The following LRRC3B variants were observed in gnomAD, a reference collection of about 807,000 sequenced individuals.
LRRC3B encodes the protein leucine rich repeat containing 3B.
Under a neutral mutation model 12.8 loss-of-function variants are expected in LRRC3B, and 2 were observed. The observed-to-expected ratio is 0.16, with a 90% CI of 0.06 to 0.49. LRRC3B has a LOEUF of 0.49. LRRC3B is among the 20% of genes least tolerant of loss of function. LRRC3B has a pLI of 0.96. For synonymous variants in LRRC3B, 132 were observed against 122.0 expected (o/e 1.08, Z -0.54); for missense variants, 189 against 319.4 (o/e 0.59, Z 3.11).
intron 1 of LRRC3B, among the ~76,000 whole-genome samples, chr3:26,686,707 G>T (rs1293562553): frequency 1.3e-5 from 2 of 152,306 alleles, no homozygotes; most frequent in South Asian, 2.1e-4. Flanking sequence ...ACTCTGAGAT[G>T]GGATTTGGCA....
At chr3:26,626,627 G>C (rs74766792) in intron 1 of LRRC3B, among the ~76,000 whole-genome samples, 3,873 of 152,012 alleles carry the variant, frequency 0.025, 133 homozygotes, top group East Asian at 0.13. Flanking sequence ...TTAGGAAAAG[G>C]CTTTTTATTT....
At chr3:26,674,320 T>TTTAC (rs1699813456) in intron 1 of LRRC3B, among the ~76,000 whole-genome samples, 2 of 152,174 alleles carry the variant, frequency 1.3e-5, no homozygotes, top group South Asian at 4.1e-4. Context: ...AAGCAAAACA[T>TTTAC]TTACTTATGA....
intron 1 of LRRC3B, among the ~76,000 whole-genome samples, chr3:26,678,568 A>C (rs2125439423): frequency 6.6e-6 from 1 of 152,154 alleles, no homozygotes; most frequent in Middle Eastern, 3.4e-3. Flanking sequence ...CTGCATCCTG[A>C]GTAGCATCTA....
At chr3:26,628,992 G>A (rs1401594936) in intron 1 of LRRC3B, among the ~76,000 whole-genome samples, 3 of 152,084 alleles carry the variant, frequency 2.0e-5, no homozygotes, top group Non-Finnish European at 4.4e-5. Context: ...TACTTGTCCA[G>A]TGCAAATGTC....
At chr3:26,683,401 A>G (rs1362705130) in intron 1 of LRRC3B, among the ~76,000 whole-genome samples, 1 of 150,934 alleles carries the variant, frequency 6.6e-6, no homozygotes, top group African/African-American at 2.5e-5. Flanking sequence ...GTAGCATCAT[A>G]TTTCTTTGGG....
intron 1 of LRRC3B, among the ~76,000 whole-genome samples, chr3:26,669,411 T>C (rs1486104130): frequency 1.3e-5 from 2 of 152,192 alleles, no homozygotes; most frequent in Non-Finnish European, 2.9e-5. Flanking sequence ...GATTAACAAA[T>C]CTCAACTAGT....
chr3:26,670,797 G>A (rs537980697), intron 1 of LRRC3B, among the ~76,000 whole-genome samples: 1 of 152,180 alleles, frequency 6.6e-6, no homozygotes, highest in Admixed American at 6.5e-5. Context: ...AAAATGGAAA[G>A]CAATAATCTA....
In LRRC3B at chr3:26,685,615, G is replaced by A. The variant is rs866825009; in HGVS notation, c.-160-23898G>A. Among the ~76,000 whole-genome samples, 15 of 120,472 alleles carry A rather than the reference G, an allele frequency of 1.2e-4. No homozygotes were observed. The South Asian group carries it at 1.4e-3, about 11-fold the overall frequency. The allele number at this position is 120,472 out of a possible 152,430, so 79.0% of individuals were successfully genotyped here. Reference sequence around the variant, plus strand: ...CACTCATATATATATATGTGTGTGTGTATATATATATATATATATCTATAT... The same window carrying A: ...CACTCATATATATATATGTGTGTGTATATATATATATATATATATCTATAT... On this transcript the variant is annotated intron_variant, in intron 1 of 1. Transcript: ENST00000396641.
chr3:26,623,766 G>A (rs1321516874), intron 1 of LRRC3B: 1 of 152,324 alleles, frequency 6.6e-6, no homozygotes, highest in African/African-American at 2.4e-5. Context: ...AGCGCGATGG[G>A]AGTCAGTCCA....
chr3:26,639,714 A>T (rs1698981693), intron 1 of LRRC3B, among the ~76,000 whole-genome samples: 1 of 152,104 alleles, frequency 6.6e-6, no homozygotes, highest in Non-Finnish European at 1.5e-5. Context: ...TGGGCTTTAA[A>T]CTCACTGGAA....
chr3:26,635,972 G>A (rs965075545), intron 1 of LRRC3B, among the ~76,000 whole-genome samples: 39 of 152,058 alleles, frequency 2.6e-4, no homozygotes, highest in African/African-American at 8.7e-4. Flanking sequence ...TTTAGGATGC[G>A]CATACACACA....
intron 1 of LRRC3B, among the ~76,000 whole-genome samples, chr3:26,658,945 A>G (rs1699434868): frequency 6.6e-6 from 1 of 152,232 alleles, no homozygotes; most frequent in Non-Finnish European, 1.5e-5. Flanking sequence ...TCTGCAGACA[A>G]TTAAGGATCT....
intron 1 of LRRC3B, among the ~76,000 whole-genome samples, chr3:26,625,798 A>G (rs1414279991): frequency 6.6e-6 from 1 of 152,202 alleles, no homozygotes; most frequent in East Asian, 1.9e-4. Context: ...GCCAGACACT[A>G]TCTTTGATGT....
At chr3:26,643,597 G>A (rs567347407) in intron 1 of LRRC3B, among the ~76,000 whole-genome samples, 1 of 152,244 alleles carries the variant, frequency 6.6e-6, no homozygotes, top group East Asian at 1.9e-4. Context: ...TGAAGTGTCA[G>A]GAATTCTGTG....
intron 1 of LRRC3B, among the ~76,000 whole-genome samples, chr3:26,644,159 A>G (rs1699093429): frequency 6.6e-6 from 1 of 152,236 alleles, no homozygotes; most frequent in Admixed American, 6.5e-5. Context: ...GTTGACTTCA[A>G]GAAGAAGATT....
At chr3:26,697,712 A>G (rs1052913340) in intron 1 of LRRC3B, among the ~76,000 whole-genome samples, 22 of 152,184 alleles carry the variant, frequency 1.4e-4, no homozygotes, top group African/African-American at 4.8e-4. Context: ...CTCAGAGTAC[A>G]AAATCTCATC....
chr3:26,634,290 A>G (rs2125402488), intron 1 of LRRC3B, among the ~76,000 whole-genome samples: 1 of 152,318 alleles, frequency 6.6e-6, no homozygotes, highest in East Asian at 1.9e-4. Context: ...AAGTGTTAGA[A>G]TTCTTCCTGG....
chr3:26,655,555 A>G (rs1182427488), intron 1 of LRRC3B, among the ~76,000 whole-genome samples: 1 of 152,186 alleles, frequency 6.6e-6, no homozygotes, highest in East Asian at 1.9e-4. Flanking sequence ...GCTGAAGACA[A>G]ATATTCTTTT....
chr3:26,663,517 C>T (rs980826387), intron 1 of LRRC3B, among the ~76,000 whole-genome samples: 1 of 151,992 alleles, frequency 6.6e-6, no homozygotes, highest in African/African-American at 2.4e-5. Flanking sequence ...TTAATTGTAC[C>T]TGGTGTTTTT....
Sources: gnomAD v4.1 joint callset for allele counts (sites outside exome capture counted in the v4.1 genomes callset) on GRCh38, gnomAD v4.1.1 for gene constraint, MANE v1.5 for transcripts, NCBI Gene and HGNC (gene_info 2026-07-23, HGNC 2026-07-21) for gene names.